Variants in PCCA observed in about 807,000 individuals in gnomAD.
PCCA encodes propionyl-CoA carboxylase alpha chain, mitochondrial.
Under a neutral mutation model 101.3 loss-of-function variants are expected in PCCA, and 74 were observed. The observed-to-expected ratio is 0.73, with a 90% CI of 0.61 to 0.89. PCCA has a LOEUF of 0.89. Among genes scored for constraint, PCCA ranks in the 40% least tolerant of loss-of-function variants. The probability of loss-of-function intolerance (pLI) is 0.00; values close to 1 mark genes in which losing one functional copy is unlikely to be tolerated. For synonymous variants in PCCA, 294 were observed against 313.6 expected, an observed-to-expected ratio of 0.94 and a Z score of 0.66; for missense variants, 891 against 907.0, an observed-to-expected ratio of 0.98 and a Z score of 0.23.
intron 21 of PCCA, among the ~76,000 whole-genome samples, chr13:100,508,920 C>T (rs2086272680): frequency 6.6e-6 from 1 of 151,966 alleles, no homozygotes; most frequent in South Asian, 2.1e-4. Flanking sequence ...AGCATAATAA[C>T]CTAAACCGTA....
intron 4 of PCCA, among the ~76,000 whole-genome samples, chr13:100,119,808 T>C (rs1031468920): frequency 5.3e-5 from 8 of 152,156 alleles, no homozygotes; most frequent in Non-Finnish European, 8.8e-5. Context: ...TTATTGAGAT[T>C]CCCACCTTCA....
chr13:100,527,180 T>C, intron 22 of PCCA: 3 of 403,130 alleles, frequency 7.4e-6, no homozygotes, highest in Non-Finnish European at 1.0e-5. Context: ...ATTCGGTGGT[T>C]TCAGTCAATT....
Position 100,355,000 on chromosome 13 carries a change from C to T in PCCA, c.1644-13472C>T, listed in dbSNP as rs142455959. On this transcript the variant is annotated intron_variant, in intron 18 of 23. Coordinates refer to ENST00000376285, the MANE Select transcript of PCCA (RefSeq NM_000282.4). Reference sequence around the variant, plus strand: ...TCATGATTCCAAAACCAGATAAAGTCATTGCAAGACAAAAACTAAAGGCTG... The same window carrying T: ...TCATGATTCCAAAACCAGATAAAGTTATTGCAAGACAAAAACTAAAGGCTG... Among the ~76,000 whole-genome samples, 28 of 152,250 alleles carry T rather than the reference C, an allele frequency of 1.8e-4. No homozygotes were observed. The East Asian group carries it at 5.4e-3, about 29-fold the overall frequency.
chr13:100,292,815 A>T (rs2065231587), intron 12 of PCCA, among the ~76,000 whole-genome samples: 1 of 152,164 alleles, frequency 6.6e-6, no homozygotes, highest in Admixed American at 6.5e-5. Flanking sequence ...AGAGTCTGGG[A>T]GGAAAAATGG....
intron 21 of PCCA, among the ~76,000 whole-genome samples, chr13:100,502,632 CT>C (rs1384347477): frequency 1.3e-5 from 2 of 152,176 alleles, no homozygotes; most frequent in African/African-American, 2.4e-5. Context: ...TTGGCAGTTA[CT>C]TTTGGCATTT....
chr13:100,458,462 C>T (rs868738940), intron 21 of PCCA, among the ~76,000 whole-genome samples: 4 of 147,176 alleles, frequency 2.7e-5, no homozygotes, highest in Admixed American at 6.7e-5. Context: ...CACACACACA[C>T]ACACACACAC....
intron 18 of PCCA, among the ~76,000 whole-genome samples, chr13:100,364,636 T>C (rs1198830193): frequency 1.3e-5 from 2 of 152,190 alleles, no homozygotes; most frequent in Non-Finnish European, 1.5e-5. Flanking sequence ...TTTGCAAATT[T>C]TGTTTGTAGA....
At chr13:100,406,680 G>C (rs1193767456) in intron 19 of PCCA, among the ~76,000 whole-genome samples, 1 of 152,176 alleles carries the variant, frequency 6.6e-6, no homozygotes, top group Non-Finnish European at 1.5e-5. Context: ...CTCCAGCCTG[G>C]CTGGGCAACA....
chr13:100,509,826 T>TTTTTTGTTTTGTTTTGTTTTG (rs142898031), intron 21 of PCCA, among the ~76,000 whole-genome samples: 2 of 149,454 alleles, frequency 1.3e-5, no homozygotes, highest in Non-Finnish European at 3.0e-5. Flanking sequence ...TTTTGTGTTT[T>TTTTTTGTTTTGTTTTGTTTTG]TTTTGTTTTG....
intron 12 of PCCA, 116 bp from the exon 13 acceptor site, chr13:100,301,344 C>G: frequency 9.2e-7 from 1 of 1,085,610 alleles, no homozygotes. Flanking sequence ...CAAATATGTT[C>G]AAATGTTACA....
intron 18 of PCCA, among the ~76,000 whole-genome samples, chr13:100,357,106 A>G (rs2074035706): frequency 6.6e-6 from 1 of 152,194 alleles, no homozygotes; most frequent in South Asian, 2.1e-4. Flanking sequence ...AAAACGTTTT[A>G]AAGTTGCTTG....
intron 19 of PCCA, among the ~76,000 whole-genome samples, chr13:100,413,180 G>A (rs1434209843): frequency 6.6e-6 from 1 of 152,186 alleles, no homozygotes; most frequent in Non-Finnish European, 1.5e-5. Flanking sequence ...TCTAAGGATA[G>A]TACTAGAATG....
At chr13:100,154,076 G>C (rs942990337) in intron 4 of PCCA, among the ~76,000 whole-genome samples, 1 of 152,014 alleles carries the variant, frequency 6.6e-6, no homozygotes, top group Admixed American at 6.5e-5. Context: ...GGTCATAAAT[G>C]TTTAGGTATA....
chr13:100,407,317 G>A (rs909220870), intron 19 of PCCA, among the ~76,000 whole-genome samples: 2 of 152,072 alleles, frequency 1.3e-5, no homozygotes, highest in Admixed American at 6.5e-5. Context: ...TGGACTATCC[G>A]AAAAGCCAGT....
intron 4 of PCCA, among the ~76,000 whole-genome samples, chr13:100,134,939 A>C (rs548254383): frequency 1.2e-4 from 18 of 148,416 alleles, no homozygotes; most frequent in Admixed American, 4.0e-4. Context: ...ACAGGGTCTT[A>C]CTGTGTTGCC....
At position 100,508,745 on chromosome 13, in the gene PCCA, C is replaced by T. The variant is rs146347384; in HGVS notation, c.1900-6682C>T. On this transcript the variant is annotated intron_variant, in intron 21 of 23. Coordinates refer to ENST00000376285, the MANE Select transcript of PCCA (RefSeq NM_000282.4). Reference sequence around the variant, plus strand: ...AAGGTCTAAACAAGTGATTAATGCCCAGGAGGCAGGGCTTTACACTGTCTC... The same window carrying T: ...AAGGTCTAAACAAGTGATTAATGCCTAGGAGGCAGGGCTTTACACTGTCTC... Among the ~76,000 whole-genome samples, 705 of 152,262 alleles carry T rather than the reference C, an allele frequency of 4.6e-3. 2 individuals carry two copies. Among genetic ancestry groups the T allele is most frequent in the African/African-American group, 0.016 (652 of 41,546 alleles).
intron 21 of PCCA, among the ~76,000 whole-genome samples, chr13:100,497,317 CAAGTTGTGCAAATAAA>C (rs1045932181): frequency 2.0e-5 from 3 of 152,026 alleles, no homozygotes; most frequent in African/African-American, 7.2e-5. Context: ...AAAATATGAA[CAAGTTGTGCAAATAAA>C]ACTAAAAAGT....
At chr13:100,419,805 C>G (rs1490922990) in intron 19 of PCCA, among the ~76,000 whole-genome samples, 1 of 152,112 alleles carries the variant, frequency 6.6e-6, no homozygotes, top group African/African-American at 2.4e-5. Context: ...AGGACTTGGG[C>G]CTATGGCTTC....
At chr13:100,266,922 C>A (rs1321004840) in intron 10 of PCCA, among the ~76,000 whole-genome samples, 1 of 152,138 alleles carries the variant, frequency 6.6e-6, no homozygotes, top group Non-Finnish European at 1.5e-5. Context: ...TTAAAAAACT[C>A]ATGATGCATT....
Sources: gnomAD v4.1 joint callset for allele counts (sites outside exome capture counted in the v4.1 genomes callset) on GRCh38, gnomAD v4.1.1 for gene constraint, MANE v1.5 for transcripts, NCBI Gene and HGNC (gene_info 2026-07-23, HGNC 2026-07-21) for gene names.